The following GUCY1A2 variants were observed in gnomAD, a reference collection of about 807,000 sequenced individuals.
The protein encoded by GUCY1A2 is guanylate cyclase soluble subunit alpha-2.
A neutral mutation model predicts 63.5 loss-of-function variants in GUCY1A2; 27 were observed. That is an observed-to-expected ratio of 0.43 (90% confidence interval 0.31 to 0.59). The LOEUF (loss-of-function observed/expected upper bound fraction) is 0.59, where lower values mean the gene tolerates loss of function less well. Ranked by LOEUF, GUCY1A2 falls within the 20% of genes least tolerant of loss-of-function variation. GUCY1A2 has a pLI of 0.11. For synonymous variants in GUCY1A2, 364 were observed against 343.5 expected (o/e 1.06, Z -0.66); for missense variants, 768 against 913.3 (o/e 0.84, Z 2.05).
intron 5 of GUCY1A2, among the ~76,000 whole-genome samples, chr11:106,801,951 T>G (rs1418034235): frequency 1.3e-5 from 2 of 152,176 alleles, no homozygotes; most frequent in Non-Finnish European, 2.9e-5. Context: ...ATATCACAGT[T>G]TAAGCACTTA....
chr11:106,866,132 A>T (rs1229606606), intron 4 of GUCY1A2, among the ~76,000 whole-genome samples: 1 of 152,002 alleles, frequency 6.6e-6, no homozygotes, highest in East Asian at 1.9e-4. Flanking sequence ...CTAGATCAGG[A>T]ACATCTAGGA....
intron 4 of GUCY1A2, chr11:106,826,556 T>G: frequency 6.2e-7 from 1 of 1,601,824 alleles, no homozygotes; most frequent in Non-Finnish European, 8.6e-7. Flanking sequence ...ACGACTTTGA[T>G]GTATTCTTGT....
chr11:106,737,709 CCCTACAAAGG>C (rs1329732923), intron 6 of GUCY1A2, among the ~76,000 whole-genome samples: 1 of 152,110 alleles, frequency 6.6e-6, no homozygotes, highest in African/African-American at 2.4e-5. Context: ...TCATCCATGT[CCCTACAAAGG>C]ATGTGAACTC....
chr11:106,762,737 T>C (rs993173707), intron 6 of GUCY1A2, among the ~76,000 whole-genome samples: 2 of 152,112 alleles, frequency 1.3e-5, no homozygotes, highest in African/African-American at 4.8e-5. Flanking sequence ...TTCTTTCCCA[T>C]TGAAACTTTA....
At chr11:107,016,716 G>A (rs1861828625) in intron 1 of GUCY1A2, among the ~76,000 whole-genome samples, 1 of 152,180 alleles carries the variant, frequency 6.6e-6, no homozygotes, top group Non-Finnish European at 1.5e-5. Flanking sequence ...AAGAAGTACA[G>A]AGCGGTTTAA....
Position 106,878,970 on chromosome 11 carries a change from G to A in GUCY1A2, c.1206+60490C>T, listed in dbSNP as rs115369839. ...AAGACATTAAGTTTGTGATAATTTC[G>A]TTACAACAGGACTAATATAACTACC... On this transcript the variant is annotated intron_variant, in intron 4 of 7. Coordinates refer to ENST00000526355, the MANE Select transcript of GUCY1A2 (RefSeq NM_000855.3). 8.9e-3 allele frequency among the ~76,000 whole-genome samples: 1,350 copies of A among 151,988 alleles called. 17 individuals are homozygous for A. The highest frequency in any genetic ancestry group is 0.031 in the African/African-American group (1,279 of 41,486).
rs73555836 is a variant in GUCY1A2, at chr11:107,006,669, C to G, written c.303+11084G>C. 9.3e-3 allele frequency among the ~76,000 whole-genome samples: 1,418 copies of G among 152,272 alleles called. 21 individuals carry two copies. Among genetic ancestry groups the G allele is most frequent in the African/African-American group, 0.031 (1,305 of 41,550 alleles). ...ACAAGTACCATTTACTTCCTCAGTG[C>G]TTCTACATAGAGCAAGTTTGCTATT... On this transcript the variant is annotated intron_variant, in intron 1 of 7. Coordinates refer to ENST00000526355, the MANE Select transcript of GUCY1A2 (RefSeq NM_000855.3).
chr11:106,819,859 T>G (rs1249419027), intron 4 of GUCY1A2, among the ~76,000 whole-genome samples: 3 of 152,042 alleles, frequency 2.0e-5, no homozygotes, highest in Non-Finnish European at 4.4e-5. Context: ...ATGAAGAACA[T>G]TATGTAAAGT....
chr11:106,854,253 G>T (rs1346840745), intron 4 of GUCY1A2, among the ~76,000 whole-genome samples: 3 of 152,204 alleles, frequency 2.0e-5, no homozygotes, highest in Non-Finnish European at 4.4e-5. Context: ...TGGGCCCGTG[G>T]GAGTGAAGAC....
intron 6 of GUCY1A2, among the ~76,000 whole-genome samples, chr11:106,725,916 C>T (rs1042644880): frequency 2.6e-5 from 4 of 151,688 alleles, no homozygotes; most frequent in African/African-American, 9.7e-5. Flanking sequence ...CTGTGCAGTA[C>T]TCTGGGGGCA....
chr11:106,765,968 T>C (rs1356806800), intron 6 of GUCY1A2, among the ~76,000 whole-genome samples: 3 of 152,146 alleles, frequency 2.0e-5, no homozygotes, highest in Non-Finnish European at 2.9e-5. Context: ...ACACACAAGG[T>C]GACAATTTCT....
chr11:106,683,823 T>C lies in GUCY1A2; in HGVS notation c.*3726A>G, dbSNP rs1311027097. 1 of 211,164 alleles carries C rather than the reference T, an allele frequency of 4.7e-6. No homozygotes were observed. The highest frequency in any genetic ancestry group is 7.0e-5 in the East Asian group (1 of 14,200). 13.1% of individuals were successfully genotyped at this position (211,164 alleles called of 1,614,324 possible). On this transcript the variant is annotated 3_prime_UTR_variant, in exon 8 of 8. Transcript: ENST00000526355. ...AGCCTTCAACAAATATATTTAATTA[T>C]GGTCATAATTTTGAGCTCCTACCTG...
intron 4 of GUCY1A2, among the ~76,000 whole-genome samples, chr11:106,847,592 G>A (rs1258946047): frequency 3.3e-5 from 5 of 151,464 alleles, no homozygotes; most frequent in African/African-American, 1.2e-4. Context: ...CCCCATTAGT[G>A]GAAGCTTCCT....
At chr11:106,880,352 CAAGGGGAGGGTGCT>C (rs1282392683) in intron 4 of GUCY1A2, among the ~76,000 whole-genome samples, 1 of 151,950 alleles carries the variant, frequency 6.6e-6, no homozygotes, top group Non-Finnish European at 1.5e-5. Context: ...TGAAGGTTGC[CAAGGGGAGGGTGCT>C]AAGTGAAGAC....
At chr11:106,785,892 A>G (rs1312026775) in intron 5 of GUCY1A2, among the ~76,000 whole-genome samples, 1 of 147,538 alleles carries the variant, frequency 6.8e-6, no homozygotes, top group Non-Finnish European at 1.5e-5. Context: ...TTTTTTTTAA[A>G]GAGCAGTGGC....
At chr11:106,834,631 G>T (rs1591295601) in intron 4 of GUCY1A2, among the ~76,000 whole-genome samples, 1 of 152,000 alleles carries the variant, frequency 6.6e-6, no homozygotes, top group Non-Finnish European at 1.5e-5. Context: ...AAAAAAAGTA[G>T]ATTTTGCATA....
At chr11:106,992,281 C>T (rs1016607638) in intron 1 of GUCY1A2, among the ~76,000 whole-genome samples, 4 of 150,250 alleles carry the variant, frequency 2.7e-5, no homozygotes, top group Admixed American at 1.3e-4. Flanking sequence ...TTCACCCTCA[C>T]GTGACGAAAA....
At chr11:106,798,213 G>T (rs1399426204) in intron 5 of GUCY1A2, among the ~76,000 whole-genome samples, 1 of 152,084 alleles carries the variant, frequency 6.6e-6, no homozygotes, top group African/African-American at 2.4e-5. Flanking sequence ...GACTAAACCA[G>T]GAAGAAGTTG....
At chr11:106,766,376 T>G (rs1480338653) in intron 6 of GUCY1A2, among the ~76,000 whole-genome samples, 1 of 152,148 alleles carries the variant, frequency 6.6e-6, no homozygotes, top group Non-Finnish European at 1.5e-5. Flanking sequence ...CTTATTCAGT[T>G]TTTAAAATAA....
Sources: allele counts gnomAD v4.1 joint callset (sites outside exome capture counted in the v4.1 genomes callset), GRCh38; gene constraint gnomAD v4.1.1; transcripts MANE v1.5; gene names NCBI Gene and HGNC (gene_info 2026-07-23, HGNC 2026-07-21).